Variants in TWF2 observed in about 807,000 individuals in gnomAD.
TWF2 encodes twinfilin actin binding protein 2, also known as twinfilin-2.
Under a neutral mutation model 45.1 loss-of-function variants are expected in TWF2, and 15 were observed. That is an observed-to-expected ratio of 0.33 (90% CI 0.22 to 0.51). TWF2 has a LOEUF of 0.51. Among genes scored for constraint, TWF2 ranks in the 20% least tolerant of loss-of-function variants. The pLI, the probability that TWF2 is intolerant of heterozygous loss-of-function variation, is 0.97. For synonymous variants in TWF2, 177 were observed against 195.8 expected (o/e 0.90, Z 0.80); for missense variants, 423 against 469.1 (o/e 0.90, Z 0.91).
intron 1 of TWF2, among the ~76,000 whole-genome samples, chr3:52,238,335 C>T (rs552290502): frequency 9.9e-5 from 15 of 152,204 alleles, no homozygotes; most frequent in Non-Finnish European, 2.1e-4. Context: ...ACGTAGAAGT[C>T]TCTGTTCCGG....
chr3:52,229,893 C>T, intron 7 of TWF2, 27 bp downstream of exon 7: 1 of 1,599,068 alleles, frequency 6.3e-7, no homozygotes, highest in Non-Finnish European at 8.5e-7. Context: ...CAGCCACAGG[C>T]TTGGGAGCCC....
At chr3:52,238,190 C>T (rs1413351849) in intron 1 of TWF2, among the ~76,000 whole-genome samples, 1 of 152,204 alleles carries the variant, frequency 6.6e-6, no homozygotes, top group Non-Finnish European at 1.5e-5. Flanking sequence ...CACAAAACCC[C>T]ATATCTGGAC....
chr3:52,235,586 T>G (rs763219769), intron 1 of TWF2, among the ~76,000 whole-genome samples: 11 of 152,208 alleles, frequency 7.2e-5, no homozygotes, highest in Non-Finnish European at 1.2e-4. Context: ...CATGTGTGAA[T>G]GTAACACACA....
At chr3:52,233,534 G>A (rs1367316733) in intron 2 of TWF2, among the ~76,000 whole-genome samples, 2 of 152,256 alleles carry the variant, frequency 1.3e-5, no homozygotes, top group Non-Finnish European at 2.9e-5. Context: ...GACAGTGGCT[G>A]CCCATCGGGG....
intron 1 of TWF2, among the ~76,000 whole-genome samples, chr3:52,238,281 G>A (rs1699745777): frequency 6.6e-6 from 1 of 152,238 alleles, no homozygotes; most frequent in Non-Finnish European, 1.5e-5. Context: ...GAAAATGGGA[G>A]GGAGGTCAGA....
chr3:52,228,883 C>T lies in TWF2; in HGVS notation c.*151G>A, dbSNP rs1161197359. The T allele has an allele frequency of 1.0e-5, 12 of 1,182,952 alleles. No homozygotes were observed. The highest frequency in any genetic ancestry group is 4.7e-5 in the African/African-American group (3 of 64,388). The allele number at this position is 1,182,952 out of a possible 1,614,324, so 73.3% of individuals were successfully genotyped here. A position where few individuals can be genotyped will look rare whatever the true frequency, so the allele number is the denominator to read the frequency against. On this transcript the variant is annotated 3_prime_UTR_variant, in exon 9 of 9. Coordinates refer to ENST00000305533, the MANE Select transcript of TWF2 (RefSeq NM_007284.4). Reference sequence around the variant, plus strand: ...AGGGAAGGGTCACAAAATGCCAGCCCGGTGGCCCTCGGACGCTGCAAGTGC... The same window carrying T: ...AGGGAAGGGTCACAAAATGCCAGCCTGGTGGCCCTCGGACGCTGCAAGTGC...
At chr3:52,233,027 A>G (rs1201244750) in intron 2 of TWF2, among the ~76,000 whole-genome samples, 1 of 152,162 alleles carries the variant, frequency 6.6e-6, no homozygotes, top group Non-Finnish European at 1.5e-5. Context: ...AAGAAAGAAA[A>G]TGTCGCAGAT....
intron 2 of TWF2, 173 bp from the exon 3 acceptor site, chr3:52,232,295 A>G: frequency 1.2e-6 from 1 of 862,266 alleles, no homozygotes; most frequent in Non-Finnish European, 1.7e-6. Flanking sequence ...ATGAGTGAGC[A>G]AGGGAAGGCA....
At chr3:52,236,670 C>T (rs949928753) in intron 1 of TWF2, among the ~76,000 whole-genome samples, 5 of 152,142 alleles carry the variant, frequency 3.3e-5, no homozygotes, top group African/African-American at 1.2e-4. Context: ...CCTCAGGTGC[C>T]CCCCCTTTGC....
intron 2 of TWF2, 78 bp from the exon 3 acceptor site, chr3:52,232,200 G>A: frequency 2.1e-6 from 3 of 1,433,546 alleles, no homozygotes; most frequent in South Asian, 1.5e-5. Context: ...CCTCGCCGTG[G>A]CTGCCCAGCT....
At position 52,229,001 on chromosome 3, in the gene TWF2, C is replaced by T. The variant is rs11550254; in HGVS notation, c.*33G>A. On this transcript the variant is annotated 3_prime_UTR_variant, in exon 9 of 9. Transcript: ENST00000305533. Reference sequence around the variant, plus strand: ...AGGGAGCGGAAGGTGGGCAGCCCCACAGTCCACACGTGGCCGGCCCTGCTC... The same window carrying T: ...AGGGAGCGGAAGGTGGGCAGCCCCATAGTCCACACGTGGCCGGCCCTGCTC... The T allele has an allele frequency of 1.2e-5, 19 of 1,594,368 alleles. No individual in the cohort carries two copies. The highest frequency in any genetic ancestry group is 1.6e-5 in the Non-Finnish European group (19 of 1,169,424).
intron 1 of TWF2, 39 bp downstream of exon 1, chr3:52,238,953 C>A: frequency 1.3e-6 from 2 of 1,585,292 alleles, no homozygotes; most frequent in Non-Finnish European, 1.7e-6. Context: ...TCCGAGAGCC[C>A]AGACCGAGGC....
chr3:52,231,691 A>G, intron 3 of TWF2, 152 bp from the exon 4 acceptor site: 1 of 1,007,704 alleles, frequency 9.9e-7, no homozygotes, highest in Non-Finnish European at 1.4e-6. Context: ...GGTGGCCCCC[A>G]CCAGCAGGGG....
At chr3:52,232,251 C>A (rs1000390993) in intron 2 of TWF2, 129 bp from the exon 3 acceptor site, 1 of 1,185,900 alleles carries the variant, frequency 8.4e-7, no homozygotes, top group Non-Finnish European at 1.1e-6. Flanking sequence ...CCCTGGAGCC[C>A]CCAGGTCCCA....
intron 7 of TWF2, 55 bp from the exon 8 acceptor site, chr3:52,229,837 C>T (rs563863286): frequency 5.6e-5 from 89 of 1,597,500 alleles, no homozygotes; most frequent in Non-Finnish European, 7.4e-5. Context: ...CTGACCTTCG[C>T]ACCCAGAGCA....
In TWF2 at chr3:52,231,229, A is replaced by C. The variant is rs758255337; in HGVS notation, c.381T>G (p.Asp127Glu). The C allele has an allele frequency of 2.5e-6, 4 of 1,614,018 alleles. No individual in the cohort carries two copies. In the African/African-American group the frequency reaches 4.0e-5, roughly 16 times the overall value. The change falls in exon 5 of 9, where the codon GAT becomes GAG. Residue 127 changes from aspartate to glutamate, a missense_variant and splice_region_variant. Transcript: ENST00000305533. ...IKDELFGTVK[D>E]DLSFAGYQKH... Reference sequence around the variant, plus strand: ...TCTGGTACCCAGCAAAAGAGAGGTCATCCTGCAGGGGTGGGGGTGAATGCA... The same window carrying C: ...TCTGGTACCCAGCAAAAGAGAGGTCCTCCTGCAGGGGTGGGGGTGAATGCA...
At chr3:52,237,167 T>C (rs921708531) in intron 1 of TWF2, among the ~76,000 whole-genome samples, 11 of 152,138 alleles carry the variant, frequency 7.2e-5, no homozygotes, top group South Asian at 2.1e-4. Flanking sequence ...CCTTCTAGTG[T>C]TACCAGGGCA....
In TWF2 at chr3:52,230,970, C is replaced by T; in HGVS notation, c.509G>A (p.Ser170Asn). Residue 170 changes from serine (S) to asparagine (N), a missense_variant, in exon 6 of 9, where the codon AGC (serine) becomes AAC (asparagine). Physicochemically the swap from Ser to Asn is conservative, Grantham distance 46. Transcript: ENST00000305533. ...NEVKTEISVE[S>N]KHQTLQGLAF... ...GAGGCCCTGCAGGGTCTGGTGCTTG[C>T]TTTCCACACTGATCTCTGTCTTCAC... 6.2e-7 allele frequency: 1 copy of T among 1,604,222 alleles called. No individual in the cohort carries two copies. The highest frequency in any genetic ancestry group is 8.5e-7 in the Non-Finnish European group (1 of 1,175,530).
chr3:52,234,809 C>A (rs896876318), intron 2 of TWF2, among the ~76,000 whole-genome samples: 19 of 152,236 alleles, frequency 1.2e-4, no homozygotes, highest in African/African-American at 4.3e-4. Context: ...ATTTGCTGAC[C>A]CCAGCTTCGG....
Sources: gnomAD v4.1 joint callset for allele counts (sites outside exome capture counted in the v4.1 genomes callset) on GRCh38, gnomAD v4.1.1 for gene constraint, MANE v1.5 for transcripts, NCBI Gene and HGNC (gene_info 2026-07-23, HGNC 2026-07-21) for gene names.